CDH8: variants seen among roughly 807,000 people sequenced by gnomAD.
CDH8 encodes cadherin 8.
CDH8 carries 17 observed loss-of-function variants against 68.1 expected under a neutral mutation model. The observed-to-expected ratio is 0.25, with a 90% CI of 0.17 to 0.37. CDH8 has a LOEUF of 0.37. CDH8 is among the 10% of genes least tolerant of loss of function. CDH8 has a pLI of 1.00. For synonymous variants in CDH8, 372 were observed against 365.1 expected, an observed-to-expected ratio of 1.02 and a Z score of -0.21; for missense variants, 763 against 999.3, an observed-to-expected ratio of 0.76 and a Z score of 3.19.
intron 8 of CDH8, among the ~76,000 whole-genome samples, chr16:61,732,136 G>A (rs116932662): frequency 6.6e-6 from 1 of 151,492 alleles, no homozygotes; most frequent in Non-Finnish European, 1.5e-5. Context: ...ACCATTAAGT[G>A]TCATATATGC....
At chr16:61,923,976 T>C (rs1305153088) in intron 2 of CDH8, among the ~76,000 whole-genome samples, 1 of 150,878 alleles carries the variant, frequency 6.6e-6, no homozygotes, top group African/African-American at 2.4e-5. Flanking sequence ...AAAACACAGA[T>C]TACTGGGCCC....
intron 8 of CDH8, among the ~76,000 whole-genome samples, chr16:61,733,192 A>G (rs1413882608): frequency 1.3e-5 from 2 of 151,814 alleles, no homozygotes; most frequent in Non-Finnish European, 2.9e-5. Flanking sequence ...AATTAAGATG[A>G]TATACATCTG....
At chr16:62,026,209 C>T (rs974357742) in intron 1 of CDH8, among the ~76,000 whole-genome samples, 1 of 152,226 alleles carries the variant, frequency 6.6e-6, no homozygotes, top group African/African-American at 2.4e-5. Context: ...TAACCATCAG[C>T]TCTGTTAAAA....
intron 8 of CDH8, among the ~76,000 whole-genome samples, chr16:61,781,727 A>G (rs534187732): frequency 6.6e-6 from 1 of 152,346 alleles, no homozygotes; most frequent in African/African-American, 2.4e-5. Context: ...GCCTTAAGTC[A>G]TCTAAATAGA....
chr16:61,835,225 G>C (rs1037273265), intron 4 of CDH8, among the ~76,000 whole-genome samples: 5 of 151,796 alleles, frequency 3.3e-5, no homozygotes, highest in African/African-American at 1.2e-4. Flanking sequence ...AAATCAGACC[G>C]CTGAGGATCA....
At chr16:61,678,794 C>T (rs908196855) in intron 10 of CDH8, among the ~76,000 whole-genome samples, 3 of 152,204 alleles carry the variant, frequency 2.0e-5, no homozygotes, top group South Asian at 2.1e-4. Context: ...TATTCTCATA[C>T]CCTCCCCTGC....
intron 9 of CDH8, among the ~76,000 whole-genome samples, chr16:61,721,688 T>G (rs1227830122): frequency 6.6e-6 from 1 of 150,848 alleles, no homozygotes; most frequent in Non-Finnish European, 1.5e-5. Context: ...CAGACTCATA[T>G]TCTCATGATT....
rs760119610 is a variant in CDH8, at chr16:61,817,502, A to G, written c.1254T>C (p.Pro418=). Residue 418 remains proline (P), a synonymous_variant, in exon 7 of 12, where the codon CCT becomes CCC. Coordinates refer to ENST00000577390, the MANE Select transcript of CDH8 (RefSeq NM_001796.5). The part of the protein sequence containing the change: ...SVIGQVTARD[P]DITSSPIRFS... ...ACCTTATAGGACTGGAAGTGATATCAGGGTCACGAGCAGTCACTTGCCCAA... is the reference window on the plus strand; with the variant it reads ...ACCTTATAGGACTGGAAGTGATATCGGGGTCACGAGCAGTCACTTGCCCAA... 6.2e-7 allele frequency: 1 copy of G among 1,613,972 alleles called. No individual in the cohort carries two copies. Among genetic ancestry groups the G allele is most frequent in the South Asian group, 1.1e-5 (1 of 91,078 alleles).
At chr16:61,751,918 G>T (rs1960177378) in intron 8 of CDH8, among the ~76,000 whole-genome samples, 1 of 151,858 alleles carries the variant, frequency 6.6e-6, no homozygotes, top group African/African-American at 2.4e-5. Flanking sequence ...ATTTATTCCT[G>T]GATTACCTAT....
rs751178574 is a variant in CDH8, at chr16:61,857,242, A to G, written c.548-4T>C. The G allele has an allele frequency of 1.9e-6, 3 of 1,610,134 alleles. No individual in the cohort carries two copies. In the South Asian group the frequency reaches 3.3e-5, roughly 18 times the overall value. On this transcript the variant is annotated splice_region_variant and splice_polypyrimidine_tract_variant and intron_variant, in intron 3 of 11. Coordinates refer to ENST00000577390, the MANE Select transcript of CDH8 (RefSeq NM_001796.5). Reference sequence around the variant, plus strand: ...GTGACGTTAGTGACAGATGTACCTAATAAAATAGAGAAAGAAAAAAGATAA... The same window carrying G: ...GTGACGTTAGTGACAGATGTACCTAGTAAAATAGAGAAAGAAAAAAGATAA...
intron 2 of CDH8, among the ~76,000 whole-genome samples, chr16:61,982,603 T>C (rs950208309): frequency 2.0e-5 from 3 of 152,238 alleles, no homozygotes; most frequent in Non-Finnish European, 4.4e-5. Flanking sequence ...TGAGTTGTTA[T>C]AAAGATAACA....
At chr16:61,832,205 G>C (rs1055335404) in intron 4 of CDH8, among the ~76,000 whole-genome samples, 1 of 151,646 alleles carries the variant, frequency 6.6e-6, no homozygotes. Flanking sequence ...GAAACACTTA[G>C]ATAAACACAT....
intron 10 of CDH8, among the ~76,000 whole-genome samples, chr16:61,660,314 C>CTT (rs1963530716): frequency 6.7e-6 from 1 of 150,216 alleles, no homozygotes; most frequent in African/African-American, 2.4e-5. Context: ...ATGAGAGGGA[C>CTT]AATAAAAAAT....
Position 61,653,770 on chromosome 16 carries a change from T to C in CDH8, c.2238A>G (p.Ile746Met). The C allele has an allele frequency of 6.2e-7, 1 of 1,614,214 alleles. No homozygotes were observed. The highest frequency in any genetic ancestry group is 8.5e-7 in the Non-Finnish European group (1 of 1,180,040). Reference protein sequence around the residue: ...PTAPPYDSIQIYGYEGRGSVA... With the variant: ...PTAPPYDSIQMYGYEGRGSVA... The stretch of plus-strand genomic sequence containing the variant: ...CTGACCCTCGGCCTTCATAGCCATA[T>C]ATCTGAATGGAGTCATATGGCGGGG... Residue 746 changes from isoleucine to methionine, a missense_variant, in exon 12 of 12, where the codon ATA (isoleucine) becomes ATG (methionine). Transcript: ENST00000577390.
At chr16:61,884,313 A>G (rs8044799) in intron 3 of CDH8, among the ~76,000 whole-genome samples, 82,073 of 151,928 alleles carry the variant, frequency 0.54, 24,587 homozygotes, top group African/African-American at 0.82. Context: ...ATGAGGATGA[A>G]GCACTTTATA....
At chr16:61,679,505 C>T (rs1214096055) in intron 10 of CDH8, among the ~76,000 whole-genome samples, 1 of 151,984 alleles carries the variant, frequency 6.6e-6, no homozygotes, top group South Asian at 2.1e-4. Context: ...GCAATCTTTT[C>T]ATGCCCGTAA....
intron 2 of CDH8, among the ~76,000 whole-genome samples, chr16:61,952,751 A>G (rs561506267): frequency 6.6e-6 from 1 of 152,330 alleles, no homozygotes; most frequent in African/African-American, 2.4e-5. Context: ...CCTATGGGCA[A>G]TAAAAAATAA....
chr16:61,701,457 CT>C (rs1402067413), intron 10 of CDH8, among the ~76,000 whole-genome samples: 1 of 152,008 alleles, frequency 6.6e-6, no homozygotes, highest in African/African-American at 2.4e-5. Context: ...ATTTGAGATA[CT>C]TTTTATTTTA....
At chr16:61,818,627 C>T (rs988783915) in intron 6 of CDH8, among the ~76,000 whole-genome samples, 1 of 152,106 alleles carries the variant, frequency 6.6e-6, no homozygotes, top group South Asian at 2.1e-4. Flanking sequence ...AAAGAATTCG[C>T]CTTCAATAAG....
Sources: gnomAD v4.1 joint callset for allele counts (sites outside exome capture counted in the v4.1 genomes callset) on GRCh38, gnomAD v4.1.1 for gene constraint, MANE v1.5 for transcripts, NCBI Gene and HGNC (gene_info 2026-07-23, HGNC 2026-07-21) for gene names.